CLCN4: variants seen among roughly 807,000 people sequenced by gnomAD.
CLCN4 encodes H(+)/Cl(-) exchange transporter 4.
CLCN4 carries 1 observed loss-of-function variant against 41.7 expected under a neutral mutation model. The observed-to-expected ratio is 0.02, with a 90% confidence interval of 0.01 to 0.11. The LOEUF (loss-of-function observed/expected upper bound fraction) is 0.11. Among genes scored for constraint, CLCN4 ranks in the 10% least tolerant of loss-of-function variants. The probability of loss-of-function intolerance (pLI) is 1.00; values close to 1 mark genes in which losing one functional copy is unlikely to be tolerated. For missense variants in CLCN4, 287 were observed against 661.0 expected (o/e 0.43, Z 6.20); for synonymous variants, 277 against 285.8 (o/e 0.97, Z 0.31).
At chrX:10,185,267 G>A in intron 3 of CLCN4, 91 bp downstream of exon 3, 2 of 971,365 alleles carry the variant, frequency 2.1e-6, no homozygotes, top group Non-Finnish European at 1.4e-6. Flanking sequence ...CCACGTACGT[G>A]TCATGTGCTG....
At chrX:10,166,617 C>T (rs946294844) in intron 2 of CLCN4, among the ~76,000 whole-genome samples, 2 of 111,830 alleles carry the variant, frequency 1.8e-5, no homozygotes, top group East Asian at 2.8e-4. Flanking sequence ...ACCTCTGTGC[C>T]GCAGTTTGCT....
At chrX:10,195,654 C>A (rs1378204351) in intron 5 of CLCN4, among the ~76,000 whole-genome samples, 2 of 111,881 alleles carry the variant, frequency 1.8e-5, no homozygotes, top group African/African-American at 6.5e-5. Flanking sequence ...CCCATGTCCC[C>A]CAACCTGCCA....
At chrX:10,163,363 A>ATT (rs34955324) in intron 2 of CLCN4, among the ~76,000 whole-genome samples, 20,438 of 98,524 alleles carry the variant, frequency 0.21, 1,946 homozygotes, top group African/African-American at 0.3. Flanking sequence ...ATGTGCAGGA[A>ATT]TTTTTTTTTT....
intron 2 of CLCN4, among the ~76,000 whole-genome samples, chrX:10,159,454 T>A (rs1278728392): frequency 9.1e-6 from 1 of 110,293 alleles, no homozygotes; most frequent in Non-Finnish European, 1.9e-5. Context: ...CTAGAGCGTT[T>A]ACATGCCTTT....
intron 11 of CLCN4, among the ~76,000 whole-genome samples, chrX:10,218,072 G>A (rs1924773731): frequency 9.0e-6 from 1 of 111,123 alleles, no homozygotes; most frequent in Non-Finnish European, 1.9e-5. Context: ...TAAGAGCTGT[G>A]GCCACTGAGA....
chrX:10,237,548 G>T lies in CLCN4; in HGVS notation c.*3964G>T, dbSNP rs111402017. On this transcript the variant is annotated 3_prime_UTR_variant, in exon 13 of 13. Transcript: ENST00000380833. ...GGAACGACCACATAGCAACGTGTTG[G>T]TTTTTTTTTATTGTAACACTCTGTG... is the stretch of plus-strand genomic sequence containing the variant. 4.6e-5 allele frequency: 5 copies of T among 109,151 alleles called. No individual in the cohort carries two copies. 9.0% of individuals were successfully genotyped at this position (109,151 alleles called of 1,213,427 possible).
chrX:10,171,393 C>A (rs1361035052), intron 2 of CLCN4, among the ~76,000 whole-genome samples: 1 of 111,882 alleles, frequency 8.9e-6, no homozygotes, highest in Non-Finnish European at 1.9e-5. Context: ...ATATAAAATG[C>A]CATGTGATGC....
chrX:10,235,041 A>G lies in CLCN4; in HGVS notation c.*1457A>G, dbSNP rs1217468886. On this transcript the variant is annotated 3_prime_UTR_variant, in exon 13 of 13. Transcript: ENST00000380833. The stretch of plus-strand genomic sequence containing the variant: ...TGCATTCGGCTGCAAATAACAGAAA[A>G]CCCAGCAAACACTGAAGGGCTGGAT... 1 of 111,887 alleles carries G rather than the reference A, an allele frequency of 8.9e-6. No homozygotes were observed. The highest frequency in any genetic ancestry group is 3.3e-5 in the African/African-American group (1 of 30,705). The allele number at this position is 111,887 out of a possible 1,213,427, so 9.2% of individuals were successfully genotyped here.
intron 12 of CLCN4, among the ~76,000 whole-genome samples, chrX:10,224,183 C>T (rs1344326223): frequency 9.1e-6 from 1 of 110,390 alleles, no homozygotes; most frequent in Non-Finnish European, 1.9e-5. Flanking sequence ...ATTACAGTCA[C>T]AGAGCTTTAA....
At chrX:10,196,170 T>C (rs896013771) in intron 5 of CLCN4, among the ~76,000 whole-genome samples, 4 of 112,282 alleles carry the variant, frequency 3.6e-5, no homozygotes, top group African/African-American at 1.3e-4. Flanking sequence ...GCCATCCTAG[T>C]GGTTATGAAG....
intron 8 of CLCN4, among the ~76,000 whole-genome samples, chrX:10,207,068 C>T (rs373924489): frequency 1.8e-5 from 2 of 110,469 alleles, no homozygotes; most frequent in East Asian, 2.8e-4. Context: ...TATAGGTGCA[C>T]GCCACCACGC....
chrX:10,199,116 A>T (rs1394795741), intron 6 of CLCN4, among the ~76,000 whole-genome samples: 1 of 112,697 alleles, frequency 8.9e-6, no homozygotes, highest in African/African-American at 3.2e-5. Context: ...GTTGATGTTA[A>T]CATATTGCTT....
At chrX:10,207,758 AT>A (rs1924433403) in intron 8 of CLCN4, among the ~76,000 whole-genome samples, 1 of 111,989 alleles carries the variant, frequency 8.9e-6, no homozygotes, top group Admixed American at 9.4e-5. Flanking sequence ...CCAGAGGTTT[AT>A]TTGCTTCTAG....
chrX:10,172,194 G>A (rs1218875088), intron 2 of CLCN4, among the ~76,000 whole-genome samples: 3 of 112,297 alleles, frequency 2.7e-5, no homozygotes, highest in Non-Finnish European at 3.8e-5. Context: ...CAAGGGACAA[G>A]GGAGTAGGAC....
chrX:10,216,777 GTC>G (rs1323707968), intron 11 of CLCN4, among the ~76,000 whole-genome samples: 1 of 103,860 alleles, frequency 9.6e-6, no homozygotes, highest in African/African-American at 3.5e-5. Context: ...TAAGTGTCAG[GTC>G]TGTCAGACAA....
intron 12 of CLCN4, among the ~76,000 whole-genome samples, chrX:10,223,319 A>G (rs1324506086): frequency 8.9e-6 from 1 of 111,891 alleles, no homozygotes; most frequent in Non-Finnish European, 1.9e-5. Flanking sequence ...TCAGGCAGGA[A>G]ACTCTGCCCT....
intron 2 of CLCN4, among the ~76,000 whole-genome samples, chrX:10,175,217 A>C (rs1288613759): frequency 9.0e-6 from 1 of 111,664 alleles, no homozygotes; most frequent in Non-Finnish European, 1.9e-5. Context: ...GCTCCAGCTT[A>C]GGGTCTGAAG....
chrX:10,157,650 T>C (rs1922986075), intron 1 of CLCN4, among the ~76,000 whole-genome samples: 2 of 112,928 alleles, frequency 1.8e-5, no homozygotes, highest in South Asian at 3.6e-4. Context: ...CTGTTTCAGT[T>C]GTGAATGAGA....
chrX:10,198,632 G>T (rs1468539465), intron 6 of CLCN4, among the ~76,000 whole-genome samples: 1 of 111,722 alleles, frequency 9.0e-6, no homozygotes, highest in East Asian at 2.8e-4. Flanking sequence ...CGTGAATTTC[G>T]AGTTCTTATA....
Sources: allele counts gnomAD v4.1 joint callset (sites outside exome capture counted in the v4.1 genomes callset), GRCh38; gene constraint gnomAD v4.1.1; transcripts MANE v1.5; gene names NCBI Gene and HGNC (gene_info 2026-07-23, HGNC 2026-07-21).